Variants in TPTE observed in about 807,000 individuals in gnomAD.
TPTE encodes the protein putative tyrosine-protein phosphatase TPTE.
TPTE carries 59 observed loss-of-function variants against 84.1 expected under a neutral mutation model. The ratio of observed to expected loss-of-function variants is 0.70; its 90% CI spans 0.57 to 0.87. The LOEUF (loss-of-function observed/expected upper bound fraction) is 0.87, where lower values mean the gene tolerates loss of function less well. TPTE is among the 40% of genes least tolerant of loss of function. TPTE has a pLI of 0.00. For missense variants in TPTE, 382 were observed against 659.6 expected (o/e 0.58, Z 4.61); for synonymous variants, 130 against 223.5 (o/e 0.58, Z 3.73).
chr21:10,531,180 G>C (rs1447131813), intron 3 of TPTE, among the ~76,000 whole-genome samples: 1 of 152,312 alleles, frequency 6.6e-6, no homozygotes, highest in Non-Finnish European at 1.5e-5. Flanking sequence ...GTTATTGTTT[G>C]GAGATTTGTA....
At chr21:10,534,936 T>TA (rs373103686) in intron 3 of TPTE, among the ~76,000 whole-genome samples, 1,860 of 151,608 alleles carry the variant, frequency 0.012, no homozygotes, top group South Asian at 0.064. Flanking sequence ...AGGGCTGCTT[T>TA]AAAAAAGTAT....
chr21:10,582,822 C>T (rs1346913905), intron 17 of TPTE, among the ~76,000 whole-genome samples: 2 of 152,310 alleles, frequency 1.3e-5, no homozygotes, highest in Admixed American at 6.5e-5. Flanking sequence ...CAACCTCCGC[C>T]TCCTGGGTTC....
intron 7 of TPTE, among the ~76,000 whole-genome samples, chr21:10,544,655 T>C (rs2074432728): frequency 2.6e-5 from 4 of 152,424 alleles, no homozygotes; most frequent in Admixed American, 2.0e-4. Flanking sequence ...AACTGCTGGG[T>C]TTACGGTCAT....
At chr21:10,543,987 C>T (rs1452433749) in intron 7 of TPTE, among the ~76,000 whole-genome samples, 1 of 152,308 alleles carries the variant, frequency 6.6e-6, no homozygotes, top group Non-Finnish European at 1.5e-5. Flanking sequence ...TTGGATGCCG[C>T]TTTCCTCAGG....
intron 2 of TPTE, among the ~76,000 whole-genome samples, chr21:10,525,863 G>T (rs574195632): frequency 6.6e-5 from 10 of 152,306 alleles, no homozygotes; most frequent in Non-Finnish European, 1.5e-4. Context: ...TGGATGTCTC[G>T]TGCCCTTTTT....
chr21:10,566,171 T>C (rs2074917348), intron 10 of TPTE, among the ~76,000 whole-genome samples: 1 of 152,306 alleles, frequency 6.6e-6, no homozygotes, highest in South Asian at 2.1e-4. Flanking sequence ...GGAAAAAATC[T>C]AATAATCTAA....
At chr21:10,561,540 C>T (rs1455941629) in intron 10 of TPTE, among the ~76,000 whole-genome samples, 5 of 152,182 alleles carry the variant, frequency 3.3e-5, no homozygotes, top group African/African-American at 1.2e-4. Context: ...GGAGCATTCA[C>T]TACAAACTGA....
chr21:10,591,510 C>G (rs1253656450), intron 18 of TPTE, among the ~76,000 whole-genome samples: 1 of 152,306 alleles, frequency 6.6e-6, no homozygotes, highest in East Asian at 1.9e-4. Flanking sequence ...ATGAATAGAG[C>G]AGAATAGAAA....
At chr21:10,550,688 C>T (rs1355052004) in intron 7 of TPTE, among the ~76,000 whole-genome samples, 1 of 152,308 alleles carries the variant, frequency 6.6e-6, no homozygotes, top group Non-Finnish European at 1.5e-5. Flanking sequence ...TTGGACAAAT[C>T]ATCTAGACAG....
chr21:10,529,978 T>C (rs1456325091), intron 3 of TPTE, among the ~76,000 whole-genome samples: 1 of 152,310 alleles, frequency 6.6e-6, no homozygotes, highest in African/African-American at 2.4e-5. Flanking sequence ...TAAGGAGAGC[T>C]ATTCCTACCC....
At position 10,603,573 on chromosome 21, in the gene TPTE, A is replaced by G. The variant is rs752780654; in HGVS notation, c.1461A>G (p.Thr487=). ...TTTTTTCTTTTTAGAATCTTCCTAC[A>G]TACTATGACAATTGCTCATTTTACT... is the stretch of plus-strand genomic sequence containing the variant. The part of the protein sequence containing the change: ...KVQFFYSNLP[T]YYDNCSFYFW... Residue 487 remains threonine (T), a synonymous_variant, in exon 23 of 24, where the codon ACA becomes ACG. Coordinates refer to ENST00000618007, the MANE Select transcript of TPTE (RefSeq NM_199261.4). The G allele has an allele frequency of 1.9e-6, 3 of 1,612,414 alleles. No individual in the cohort carries two copies. The highest frequency in any genetic ancestry group is 2.5e-6 in the Non-Finnish European group (3 of 1,178,814).
At chr21:10,587,175 T>G (rs1432312891) in intron 17 of TPTE, among the ~76,000 whole-genome samples, 17 of 152,384 alleles carry the variant, frequency 1.1e-4, no homozygotes, top group Non-Finnish European at 1.5e-4. Flanking sequence ...ATTATTTGTT[T>G]TTTAATAGGC....
chr21:10,592,186 A>G, intron 18 of TPTE, 107 bp from the exon 19 acceptor site: 3 of 1,558,360 alleles, frequency 1.9e-6, no homozygotes, highest in South Asian at 1.1e-5. Context: ...AACAAACAAA[A>G]TCACTGACTT....
At chr21:10,573,059 T>TAAAAAAAAAA (rs56182104) in intron 14 of TPTE, among the ~76,000 whole-genome samples, 1 of 146,744 alleles carries the variant, frequency 6.8e-6, no homozygotes. Flanking sequence ...TGCCAAGATT[T>TAAAAAAAAAA]AAAAAAAAAA....
At chr21:10,527,153 T>TCACACACACACACACA (rs1316269731) in intron 2 of TPTE, among the ~76,000 whole-genome samples, 1 of 149,434 alleles carries the variant, frequency 6.7e-6, no homozygotes, top group African/African-American at 2.5e-5. Context: ...TCTCTCTCTC[T>TCACACACACACACACA]CTCTCACACA....
At chr21:10,582,096 G>A (rs1156336260) in intron 17 of TPTE, among the ~76,000 whole-genome samples, 22 of 152,394 alleles carry the variant, frequency 1.4e-4, no homozygotes, top group South Asian at 4.1e-4. Flanking sequence ...TATATTTCAC[G>A]CTTTTCTGTC....
rs1055046131 is a variant in TPTE, at chr21:10,537,997, C to T, written c.-43-684C>T. 2.0e-5 allele frequency among the ~76,000 whole-genome samples: 3 copies of T among 152,310 alleles called. No individual in the cohort carries two copies. The South Asian group carries it at 6.2e-4, about 31-fold the overall frequency. On this transcript the variant is annotated intron_variant, in intron 3 of 23. Transcript: ENST00000618007. Reference sequence around the variant, plus strand: ...ATAAAAAGAAGAATGATTTTTCTTACTAGTCTGTTTGATACTCTTGAGTAA... The same window carrying T: ...ATAAAAAGAAGAATGATTTTTCTTATTAGTCTGTTTGATACTCTTGAGTAA...
intron 7 of TPTE, among the ~76,000 whole-genome samples, chr21:10,545,812 T>C (rs949553574): frequency 6.6e-6 from 1 of 151,732 alleles, no homozygotes; most frequent in Non-Finnish European, 1.5e-5. Flanking sequence ...TAAATGTGTG[T>C]ATATATATCT....
rs1978593116 is a variant in TPTE, at chr21:10,602,043, T to C, written c.1357-15T>C. ...TCTAGGTTTATAGTTCTCAATTCCATGTGTTCATTCATAGGTACTTGATAA... is the reference window on the plus strand; with the variant it reads ...TCTAGGTTTATAGTTCTCAATTCCACGTGTTCATTCATAGGTACTTGATAA... On this transcript the variant is annotated splice_polypyrimidine_tract_variant and intron_variant, in intron 21 of 23. Coordinates refer to ENST00000618007, the MANE Select transcript of TPTE (RefSeq NM_199261.4). 1 of 1,606,852 alleles carries C rather than the reference T, an allele frequency of 6.2e-7. No homozygotes were observed. The highest frequency in any genetic ancestry group is 1.1e-5 in the South Asian group (1 of 90,986).
Sources: allele counts gnomAD v4.1 joint callset (sites outside exome capture counted in the v4.1 genomes callset), GRCh38; gene constraint gnomAD v4.1.1; transcripts MANE v1.5; gene names NCBI Gene and HGNC (gene_info 2026-07-23, HGNC 2026-07-21).